STPG2: variants seen among roughly 807,000 people sequenced by gnomAD.
STPG2 encodes sperm-tail PG-rich repeat-containing protein 2.
STPG2 carries 56 observed loss-of-function variants against 54.2 expected under a neutral mutation model. The observed-to-expected ratio is 1.03, with a 90% confidence interval of 0.83 to 1.29. STPG2 has a LOEUF of 1.29. Among genes scored for constraint, STPG2 ranks in the 50% most tolerant of loss-of-function variants. The pLI is 0.00. For synonymous variants in STPG2, 200 were observed against 181.8 expected (o/e 1.10, Z -0.81); for missense variants, 596 against 544.9 (o/e 1.09, Z -0.93).
intron 8 of STPG2, among the ~76,000 whole-genome samples, chr4:97,841,458 G>A (rs1728799953): frequency 6.6e-6 from 1 of 151,408 alleles, no homozygotes; most frequent in Non-Finnish European, 1.5e-5. Flanking sequence ...GAACCCACAT[G>A]GATATTAATA....
chr4:97,831,144 G>A (rs545413066), intron 9 of STPG2, among the ~76,000 whole-genome samples: 51 of 152,240 alleles, frequency 3.3e-4, no homozygotes, highest in African/African-American at 1.2e-3. Context: ...TTCAGCAAAT[G>A]CAAAACAATG....
At chr4:98,108,991 G>A (rs1287539865) in intron 4 of STPG2, among the ~76,000 whole-genome samples, 1 of 151,990 alleles carries the variant, frequency 6.6e-6, no homozygotes, top group Admixed American at 6.6e-5. Context: ...TAACAAGCCT[G>A]CATGTTCTGC....
chr4:98,137,736 T>TA (rs146323704), intron 1 of STPG2, among the ~76,000 whole-genome samples: 8 of 151,238 alleles, frequency 5.3e-5, no homozygotes, highest in African/African-American at 1.7e-4. Flanking sequence ...ATATAAAAGT[T>TA]AAAAAAAATA....
intron 7 of STPG2, among the ~76,000 whole-genome samples, chr4:97,960,437 T>C (rs1041150136): frequency 1.3e-5 from 2 of 152,150 alleles, no homozygotes; most frequent in African/African-American, 4.8e-5. Flanking sequence ...TATGATTGTA[T>C]ACCTAGAAAA....
intron 9 of STPG2, among the ~76,000 whole-genome samples, chr4:97,753,337 T>C (rs776980230): frequency 6.6e-6 from 1 of 152,016 alleles, no homozygotes; most frequent in Non-Finnish European, 1.5e-5. Context: ...ACAATACTTG[T>C]CCTTCTGTGT....
chr4:97,791,749 G>T (rs1197727368), intron 9 of STPG2, among the ~76,000 whole-genome samples: 1 of 151,736 alleles, frequency 6.6e-6, no homozygotes, highest in African/African-American at 2.4e-5. Context: ...ATTTTATGAT[G>T]ATCTCAATAT....
intron 7 of STPG2, among the ~76,000 whole-genome samples, chr4:97,954,703 A>G (rs1465397993): frequency 6.6e-6 from 1 of 152,220 alleles, no homozygotes; most frequent in African/African-American, 2.4e-5. Context: ...AATTGGGTTA[A>G]TGTAATTTTA....
At position 97,985,971 on chromosome 4, in the gene STPG2, T is replaced by C. The variant is rs375540678; in HGVS notation, c.613-4653A>G. ...ACAAACACACACACACACACACACA[T>C]ACACACACACAGAAAATATCCTGTC... On this transcript the variant is annotated intron_variant, in intron 5 of 10. Transcript: ENST00000295268. 1.1e-3 allele frequency among the ~76,000 whole-genome samples: 169 copies of C among 150,116 alleles called. 1 individual carries two copies. Among genetic ancestry groups the C allele is most frequent in the African/African-American group, 3.8e-3 (154 of 40,458 alleles).
chr4:97,564,212 T>C (rs1197678453), intron 10 of STPG2, among the ~76,000 whole-genome samples: 1 of 152,190 alleles, frequency 6.6e-6, no homozygotes, highest in Non-Finnish European at 1.5e-5. Flanking sequence ...TCTTTTGATC[T>C]TTGTTGGTTT....
chr4:98,039,994 T>C (rs1736897917), intron 5 of STPG2, among the ~76,000 whole-genome samples: 2 of 151,996 alleles, frequency 1.3e-5, no homozygotes, highest in Admixed American at 6.6e-5. Context: ...TGTTATTCTT[T>C]GACTTTTTAA....
chr4:97,704,271 A>G (rs1050203745), intron 10 of STPG2, among the ~76,000 whole-genome samples: 3 of 152,200 alleles, frequency 2.0e-5, no homozygotes, highest in Admixed American at 6.5e-5. Flanking sequence ...GATCCATAAC[A>G]TATAATTATC....
intron 4 of STPG2, among the ~76,000 whole-genome samples, chr4:97,529,946 TTTTA>T (rs1258885817): frequency 7.9e-5 from 12 of 152,306 alleles, no homozygotes; most frequent in Non-Finnish European, 1.3e-4. Flanking sequence ...TATACTAATT[TTTTA>T]TTTGTTTACT....
chr4:97,949,655 G>C, intron 7 of STPG2, among the ~76,000 whole-genome samples: 1 of 151,884 alleles, frequency 6.6e-6, no homozygotes, highest in South Asian at 2.1e-4. Context: ...TAGTTTTGCT[G>C]GATACAAAAT....
At chr4:97,518,102 G>A (rs1347768785) in intron 4 of STPG2, among the ~76,000 whole-genome samples, 1 of 152,080 alleles carries the variant, frequency 6.6e-6, no homozygotes, top group Non-Finnish European at 1.5e-5. Context: ...CTAGAGCTGT[G>A]TCATTCACTG....
intron 10 of STPG2, chr4:97,572,597 AAATGATAG>A (rs1208424523): frequency 6.6e-6 from 1 of 152,176 alleles, no homozygotes; most frequent in Non-Finnish European, 1.5e-5. Flanking sequence ...TTATTTATGC[AAATGATAG>A]TGTGCTTTTG....
chr4:98,128,474 G>A lies in STPG2; in HGVS notation c.341C>T (p.Pro114Leu). The A allele has an allele frequency of 6.2e-7, 1 of 1,613,436 alleles. No individual in the cohort carries two copies. Among genetic ancestry groups the A allele is most frequent in the South Asian group, 1.1e-5 (1 of 90,926 alleles). The change falls in exon 3 of 11, where the codon CCT becomes CTT. Residue 114 changes from proline to leucine, a missense_variant. Coordinates refer to ENST00000295268, the MANE Select transcript of STPG2 (RefSeq NM_174952.3). ...DDGSIIKCFP[P>L]ACDSTLGPAY... ...TGGACCAAGTGTACTGTCACAAGCA[G>A]GTGGAAAACATTTTATAATACTGCC...
chr4:97,570,815 AC>A (rs1227516111), intron 10 of STPG2, among the ~76,000 whole-genome samples: 4 of 152,066 alleles, frequency 2.6e-5, no homozygotes, highest in Non-Finnish European at 5.9e-5. Flanking sequence ...TGCTATGTAA[AC>A]TGGAATCCAA....
At position 97,963,660 on chromosome 4, in the gene STPG2, T is replaced by C. The variant is rs371327863; in HGVS notation, c.933+8620A>G. On this transcript the variant is annotated intron_variant, in intron 7 of 10. Transcript: ENST00000295268. ...AGAGTGAGACCCTATTTGAAATACA[T>C]ATATATATAAATACATATATATGTA... Among the ~76,000 whole-genome samples the C allele has an allele frequency of 1.0e-3, 156 of 151,608 alleles. No individual in the cohort carries two copies. In the East Asian group the frequency reaches 0.028, roughly 27 times the overall value.
intron 8 of STPG2, among the ~76,000 whole-genome samples, chr4:97,902,786 A>G (rs1731228238): frequency 6.6e-6 from 1 of 152,118 alleles, no homozygotes; most frequent in African/African-American, 2.4e-5. Context: ...CTGCAACTTC[A>G]CTTTTGGCTA....
Sources: gnomAD v4.1 joint callset for allele counts (sites outside exome capture counted in the v4.1 genomes callset) on GRCh38, gnomAD v4.1.1 for gene constraint, MANE v1.5 for transcripts, NCBI Gene and HGNC (gene_info 2026-07-23, HGNC 2026-07-21) for gene names.